The following SART3 variants were observed in gnomAD, a reference collection of about 807,000 sequenced individuals.
SART3 encodes spliceosome associated factor 3, U4/U6 recycling protein, also known as HIV-1 Tat-interacting protein of 110kDa.
Under a neutral mutation model 122.3 loss-of-function variants are expected in SART3, and 44 were observed. That is an observed-to-expected ratio of 0.36 (90% CI 0.28 to 0.46). The LOEUF (loss-of-function observed/expected upper bound fraction) is 0.46. SART3 is among the 20% of genes least tolerant of loss of function. The probability of loss-of-function intolerance (pLI) is 1.00; values close to 1 mark genes in which losing one functional copy is unlikely to be tolerated. For missense variants in SART3, 1,101 were observed against 1,229.0 expected, an observed-to-expected ratio of 0.90 and a Z score of 1.56; for synonymous variants, 442 against 454.0, an observed-to-expected ratio of 0.97 and a Z score of 0.34.
At chr12:108,530,380 AG>A in intron 14 of SART3, 70 bp from the exon 15 acceptor site, 4 of 1,546,156 alleles carry the variant, frequency 2.6e-6, no homozygotes, top group Non-Finnish European at 3.6e-6. Flanking sequence ...TTGTCATGAA[AG>A]GGGAGAAGGA....
At chr12:108,535,967 T>C (rs1872886038) in intron 11 of SART3, among the ~76,000 whole-genome samples, 1 of 152,092 alleles carries the variant, frequency 6.6e-6, no homozygotes, top group African/African-American at 2.4e-5. Context: ...TATCTGACGC[T>C]CCCTCCGAGG....
chr12:108,538,397 A>G (rs1257583457), intron 7 of SART3, among the ~76,000 whole-genome samples, 194 bp from the exon 8 acceptor site: 1 of 152,234 alleles, frequency 6.6e-6, no homozygotes, highest in African/African-American at 2.4e-5. Context: ...ACAGGTTAAA[A>G]CAGCCTTAAA....
intron 11 of SART3, among the ~76,000 whole-genome samples, chr12:108,535,811 G>A (rs1353044038): frequency 6.7e-6 from 1 of 149,576 alleles, no homozygotes; most frequent in Non-Finnish European, 1.5e-5. Flanking sequence ...GACTGATCTA[G>A]TATTAAATGC....
Position 108,522,650 on chromosome 12 carries a change from T to C in SART3, c.*807A>G, listed in dbSNP as rs934816036. 1 of 152,196 alleles carries C rather than the reference T, an allele frequency of 6.6e-6. No homozygotes were observed. The highest frequency in any genetic ancestry group is 1.5e-5 in the Non-Finnish European group (1 of 68,026). The allele number at this position is 152,196 out of a possible 1,614,324, so 9.4% of individuals were successfully genotyped here. On this transcript the variant is annotated 3_prime_UTR_variant, in exon 19 of 19. Transcript: ENST00000546815. ...ACACCCACTTCAAAACACATCTGTATGTGAATGCACATCTGAGTACCATTC... is the reference window on the plus strand; with the variant it reads ...ACACCCACTTCAAAACACATCTGTACGTGAATGCACATCTGAGTACCATTC...
chr12:108,540,050 A>T (rs1180293701), intron 6 of SART3, among the ~76,000 whole-genome samples: 1 of 152,128 alleles, frequency 6.6e-6, no homozygotes, highest in Non-Finnish European at 1.5e-5. Context: ...GTTGGCAAAG[A>T]AAGATAGAAA....
At position 108,547,737 on chromosome 12, in the gene SART3, G is replaced by A. The variant is rs1344690663; in HGVS notation, c.544+150C>T. On this transcript the variant is annotated intron_variant, in intron 3 of 18. Transcript: ENST00000546815. ...TAAACTTCCTCAATTAAAGACCAAA[G>A]ACAATGATAAGACAACTCAACTTAA... The A allele has an allele frequency of 2.8e-5, 18 of 651,488 alleles. No homozygotes were observed. The East Asian group carries it at 3.4e-4, about 12-fold the overall frequency. 40.4% of individuals were successfully genotyped at this position (651,488 alleles called of 1,614,324 possible).
intron 9 of SART3, chr12:108,537,180 T>C (rs779859690): frequency 4.6e-6 from 2 of 431,154 alleles, no homozygotes; most frequent in South Asian, 2.2e-5. Flanking sequence ...GGTACAAAGA[T>C]TTTTCTAAAA....
intron 4 of SART3, chr12:108,544,878 T>C: frequency 1.7e-6 from 1 of 583,574 alleles, no homozygotes; most frequent in African/African-American, 1.9e-5. Flanking sequence ...TCTGGTTCTT[T>C]CTACTTCAAA....
intron 1 of SART3, among the ~76,000 whole-genome samples, chr12:108,559,817 G>C (rs2030408587): frequency 6.6e-6 from 1 of 152,094 alleles, no homozygotes; most frequent in Non-Finnish European, 1.5e-5. Context: ...AGATGGGTCT[G>C]CCCAGCAGGA....
chr12:108,542,952 T>TA (rs1444457169), intron 6 of SART3, 76 bp downstream of exon 6: 2 of 1,559,348 alleles, frequency 1.3e-6, no homozygotes, highest in Non-Finnish European at 1.8e-6. Flanking sequence ...ATTTTAAAGA[T>TA]ACTGTTTAAC....
chr12:108,541,357 G>A (rs531445043), intron 6 of SART3, among the ~76,000 whole-genome samples: 6 of 151,926 alleles, frequency 3.9e-5, no homozygotes, highest in African/African-American at 7.2e-5. Flanking sequence ...GCAGTGAGCC[G>A]AGATCACGCC....
chr12:108,537,452 G>A (rs1395389210), intron 9 of SART3, 36 bp downstream of exon 9: 1 of 1,518,448 alleles, frequency 6.6e-7, no homozygotes, highest in South Asian at 1.1e-5. Context: ...TTAAGAACAT[G>A]TTCAGCTCTA....
chr12:108,532,163 C>T (rs914858446), intron 13 of SART3, 59 bp downstream of exon 13: 8 of 1,470,378 alleles, frequency 5.4e-6, no homozygotes, highest in Non-Finnish European at 7.6e-6. Context: ...GATGCTCCTA[C>T]TTGAGACCAA....
Position 108,530,160 on chromosome 12 carries a change from ACT to A in SART3, c.1895_1896del (p.Glu632ValfsTer4), listed in dbSNP as rs1872601066. The A allele has an allele frequency of 6.2e-7, 1 of 1,613,662 alleles. No individual in the cohort carries two copies. On this transcript the variant is annotated frameshift_variant, in exon 15 of 19. Transcript: ENST00000546815. LOFTEE classifies it high-confidence loss of function. ...TCCTTACCTTCTTCATCATCGCCCC[ACT>A]CTTTCTCATCATCCTCATCTGCTCC... ...KRGADEDDEK[E>X]WGDDEEEQPS...
chr12:108,526,528 G>A lies in SART3; in HGVS notation c.1941C>T (p.Val647=), dbSNP rs753576153. Reference sequence around the variant, plus strand: ...CTCCAGCTGCAGGGATGCTGTTCTCGACCCTTCTGCGTTTGGAAGGCTGCT... The same window carrying A: ...CTCCAGCTGCAGGGATGCTGTTCTCAACCCTTCTGCGTTTGGAAGGCTGCT... ...EEEQPSKRRR[V]ENSIPAAGET... is the part of the protein sequence containing the mutation. Residue 647 remains valine (V), a synonymous_variant, in exon 16 of 19, where the codon GTC becomes GTT. Coordinates refer to ENST00000546815, the MANE Select transcript of SART3 (RefSeq NM_014706.4). The A allele has an allele frequency of 2.9e-5, 47 of 1,613,776 alleles. No individual in the cohort carries two copies. The East Asian group carries it at 4.2e-4, about 15-fold the overall frequency.
At chr12:108,531,038 G>A (rs1177953324) in intron 14 of SART3, among the ~76,000 whole-genome samples, 166 bp downstream of exon 14, 1 of 152,140 alleles carries the variant, frequency 6.6e-6, no homozygotes, top group Non-Finnish European at 1.5e-5. Flanking sequence ...TTAGAACAAT[G>A]TAAAAATGAC....
chr12:108,535,674 C>T (rs7301731), intron 11 of SART3: 488,135 of 602,620 alleles, frequency 0.81, 201,168 homozygotes, highest in East Asian at 0.93. Context: ...GCTAATCTAC[C>T]TATGTTTCCT....
chr12:108,544,291 G>T lies in SART3; in HGVS notation c.781+136C>A. 6 of 841,246 alleles carry T rather than the reference G, an allele frequency of 7.1e-6. No individual in the cohort carries two copies. The South Asian group carries it at 8.0e-5, about 11-fold the overall frequency. The allele number at this position is 841,246 out of a possible 1,614,324, so 52.1% of individuals were successfully genotyped here. On this transcript the variant is annotated intron_variant, in intron 5 of 18. Transcript: ENST00000546815. ...TTTTACCAAGGACCTCATCCAAAGA[G>T]ACAATATCCAAGGAGAGTAAGAACA...
At chr12:108,529,455 A>T (rs1872548192) in intron 15 of SART3, among the ~76,000 whole-genome samples, 1 of 152,220 alleles carries the variant, frequency 6.6e-6, no homozygotes, top group African/African-American at 2.4e-5. Context: ...TGGAAAGTAT[A>T]AGATGACCCT....
Sources: allele counts gnomAD v4.1 joint callset (sites outside exome capture counted in the v4.1 genomes callset), GRCh38; gene constraint gnomAD v4.1.1; transcripts MANE v1.5; gene names NCBI Gene and HGNC (gene_info 2026-07-23, HGNC 2026-07-21).